The following ADGRB3 variants were observed in gnomAD, a reference collection of about 807,000 sequenced individuals.
ADGRB3 encodes the protein adhesion G protein-coupled receptor B3, also known as brain-specific angiogenesis inhibitor 3.
In ADGRB3, 37 loss-of-function variants were observed where a neutral mutation model predicts 193.4. That is an observed-to-expected ratio of 0.19 (90% CI 0.15 to 0.25). ADGRB3 has a LOEUF of 0.25. Among genes scored for constraint, ADGRB3 ranks in the 10% least tolerant of loss-of-function variants. The pLI is 1.00. For synonymous variants in ADGRB3, 690 were observed against 644.2 expected, an observed-to-expected ratio of 1.07 and a Z score of -1.08; for missense variants, 1,637 against 1,852.9, an observed-to-expected ratio of 0.88 and a Z score of 2.14.
At chr6:68,711,710 C>A (rs145937064) in intron 3 of ADGRB3, among the ~76,000 whole-genome samples, 2 of 152,062 alleles carry the variant, frequency 1.3e-5, no homozygotes, top group Admixed American at 1.3e-4. Context: ...CAAAAGCATG[C>A]TTGATGGTCC....
chr6:69,025,114 A>T (rs1249330630), intron 13 of ADGRB3, among the ~76,000 whole-genome samples: 2 of 151,676 alleles, frequency 1.3e-5, no homozygotes, highest in East Asian at 3.9e-4. Flanking sequence ...AAAAAATAAA[A>T]AATAATAAAA....
intron 4 of ADGRB3, among the ~76,000 whole-genome samples, chr6:68,935,200 A>C (rs569238111): frequency 6.6e-6 from 1 of 152,330 alleles, no homozygotes; most frequent in East Asian, 1.9e-4. Context: ...AGAATGTAAA[A>C]CCAACTACTT....
chr6:68,992,929 A>G (rs1769278377), intron 10 of ADGRB3, among the ~76,000 whole-genome samples: 1 of 151,816 alleles, frequency 6.6e-6, no homozygotes, highest in Non-Finnish European at 1.5e-5. Context: ...AGTTAATTTT[A>G]TACAAATTTA....
At chr6:68,649,733 T>C (rs1768303167) in intron 3 of ADGRB3, among the ~76,000 whole-genome samples, 1 of 152,194 alleles carries the variant, frequency 6.6e-6, no homozygotes, top group African/African-American at 2.4e-5. Context: ...GGTTACCTTG[T>C]GATACATTGA....
chr6:68,741,020 G>T (rs1328256389), intron 3 of ADGRB3, among the ~76,000 whole-genome samples: 3 of 152,138 alleles, frequency 2.0e-5, no homozygotes, highest in African/African-American at 7.2e-5. Context: ...GAAGAATACA[G>T]AATGAGCTTG....
intron 3 of ADGRB3, among the ~76,000 whole-genome samples, chr6:68,781,244 T>C (rs187882496): frequency 1.2e-3 from 182 of 152,266 alleles, no homozygotes; most frequent in Non-Finnish European, 1.7e-3. Context: ...AAATTTCTGC[T>C]ATGCCAAACG....
intron 26 of ADGRB3, among the ~76,000 whole-genome samples, chr6:69,350,549 G>A (rs747727148): frequency 6.6e-6 from 1 of 151,954 alleles, no homozygotes; most frequent in Non-Finnish European, 1.5e-5. Flanking sequence ...GCATTTACTG[G>A]TATCAAGTAA....
intron 24 of ADGRB3, among the ~76,000 whole-genome samples, chr6:69,337,132 C>T (rs1768866625): frequency 6.6e-6 from 1 of 152,168 alleles, no homozygotes; most frequent in Admixed American, 6.5e-5. Context: ...AATACTTACA[C>T]TATGTACTTA....
At chr6:69,327,571 T>C (rs1768604100) in intron 21 of ADGRB3, among the ~76,000 whole-genome samples, 2 of 152,302 alleles carry the variant, frequency 1.3e-5, no homozygotes, top group South Asian at 2.1e-4. Context: ...ATTACTTCCA[T>C]TTAAACCCGT....
At chr6:69,356,712 G>C (rs1478891661) in intron 28 of ADGRB3, among the ~76,000 whole-genome samples, 1 of 152,100 alleles carries the variant, frequency 6.6e-6, no homozygotes, top group Non-Finnish European at 1.5e-5. Flanking sequence ...AGATGGAATT[G>C]CATTGTCTGT....
At chr6:68,645,487 A>G (rs1239078462) in intron 3 of ADGRB3, among the ~76,000 whole-genome samples, 3 of 152,206 alleles carry the variant, frequency 2.0e-5, no homozygotes, top group East Asian at 3.8e-4. Context: ...AATGAGAAGC[A>G]TGATTTGGTA....
intron 20 of ADGRB3, among the ~76,000 whole-genome samples, chr6:69,273,454 T>C (rs1022009150): frequency 2.6e-5 from 4 of 152,222 alleles, no homozygotes; most frequent in African/African-American, 9.6e-5. Flanking sequence ...GATTATATTA[T>C]GGATCTGGAA....
chr6:68,641,448 A>G (rs569651035), intron 3 of ADGRB3, among the ~76,000 whole-genome samples: 3 of 152,322 alleles, frequency 2.0e-5, no homozygotes, highest in African/African-American at 7.2e-5. Context: ...GTATATTGTC[A>G]TTAATTCACT....
At chr6:69,212,435 A>G (rs1008757) in intron 17 of ADGRB3, among the ~76,000 whole-genome samples, 21,420 of 152,150 alleles carry the variant, frequency 0.14, 1,567 homozygotes, top group Middle Eastern at 0.16. Context: ...ATGACCCAAT[A>G]AAAGAGCTAA....
In ADGRB3 at chr6:68,903,824, T is replaced by G. The variant is rs893402749; in HGVS notation, c.758-26735T>G. On this transcript the variant is annotated intron_variant, in intron 3 of 31. Transcript: ENST00000370598. ...CCAGGAGAGACCAACCTGGGCAACATAGTGACACCCTGTCTATTAAAAAAA... is the reference window on the plus strand; with the variant it reads ...CCAGGAGAGACCAACCTGGGCAACAGAGTGACACCCTGTCTATTAAAAAAA... Among the ~76,000 whole-genome samples the G allele has an allele frequency of 8.4e-4, 126 of 150,516 alleles. 1 individual carries two copies. The highest frequency in any genetic ancestry group is 1.9e-4 in the Non-Finnish European group (13 of 67,702).
At chr6:69,194,935 A>G (rs1259930672) in intron 17 of ADGRB3, among the ~76,000 whole-genome samples, 1 of 152,162 alleles carries the variant, frequency 6.6e-6, no homozygotes, top group African/African-American at 2.4e-5. Flanking sequence ...CAAGCATTCA[A>G]TAAATGTTAG....
intron 3 of ADGRB3, among the ~76,000 whole-genome samples, chr6:68,814,951 A>C (rs1205485478): frequency 1.3e-5 from 2 of 152,186 alleles, no homozygotes; most frequent in African/African-American, 4.8e-5. Flanking sequence ...TCATGCTAAA[A>C]ACTCTCAATA....
chr6:69,159,495 T>C (rs190807048), intron 17 of ADGRB3, among the ~76,000 whole-genome samples: 17 of 152,250 alleles, frequency 1.1e-4, no homozygotes, highest in African/African-American at 4.1e-4. Context: ...GTAAATGAAC[T>C]GAACCCTGGC....
intron 3 of ADGRB3, among the ~76,000 whole-genome samples, chr6:68,764,360 A>T (rs977276632): frequency 2.0e-5 from 3 of 152,240 alleles, no homozygotes; most frequent in African/African-American, 7.2e-5. Context: ...AATGAAGATG[A>T]AAAGAATAAA....
Sources: gnomAD v4.1 joint callset for allele counts (sites outside exome capture counted in the v4.1 genomes callset) on GRCh38, gnomAD v4.1.1 for gene constraint, MANE v1.5 for transcripts, NCBI Gene and HGNC (gene_info 2026-07-23, HGNC 2026-07-21) for gene names.